The following FAM135B variants were observed in gnomAD, a reference collection of about 807,000 sequenced individuals.
The protein encoded by FAM135B is family with sequence similarity 135 member B.
In FAM135B, 43 loss-of-function variants were observed where a neutral mutation model predicts 127.7. The ratio of observed to expected loss-of-function variants is 0.34; its 90% CI spans 0.26 to 0.43. FAM135B has a LOEUF of 0.43. Among genes scored for constraint, FAM135B ranks in the 20% least tolerant of loss-of-function variants. FAM135B has a pLI of 1.00. For synonymous variants in FAM135B, 670 were observed against 665.1 expected, an observed-to-expected ratio of 1.01 and a Z score of -0.11; for missense variants, 1,558 against 1,725.6, an observed-to-expected ratio of 0.90 and a Z score of 1.72.
At chr8:138,324,810 T>C (rs1028638574) in intron 2 of FAM135B, among the ~76,000 whole-genome samples, 1 of 152,212 alleles carries the variant, frequency 6.6e-6, no homozygotes, top group Non-Finnish European at 1.5e-5. Flanking sequence ...TCGTAACGAC[T>C]ATACAATACA....
chr8:138,179,539 T>A (rs938976128), intron 9 of FAM135B, among the ~76,000 whole-genome samples: 5 of 152,120 alleles, frequency 3.3e-5, no homozygotes, highest in African/African-American at 1.2e-4. Context: ...TGAAGCCACA[T>A]CACCATGTCA....
chr8:138,205,799 A>G (rs923557146), intron 7 of FAM135B, among the ~76,000 whole-genome samples: 2 of 151,800 alleles, frequency 1.3e-5, no homozygotes, highest in African/African-American at 4.8e-5. Context: ...CACAGAGTGT[A>G]TCTGAGAATG....
intron 3 of FAM135B, among the ~76,000 whole-genome samples, chr8:138,286,866 C>T (rs955216816): frequency 5.3e-5 from 8 of 152,240 alleles, no homozygotes; most frequent in Non-Finnish European, 8.8e-5. Context: ...GGCTCAAGCA[C>T]ACCATGATAT....
At chr8:138,236,516 T>C (rs1820288882) in intron 7 of FAM135B, among the ~76,000 whole-genome samples, 1 of 152,030 alleles carries the variant, frequency 6.6e-6, no homozygotes, top group Non-Finnish European at 1.5e-5. Context: ...ATTCACATCA[T>C]GGTTAATGAT....
At chr8:138,389,464 G>A (rs1018718472) in intron 1 of FAM135B, among the ~76,000 whole-genome samples, 8 of 152,110 alleles carry the variant, frequency 5.3e-5, no homozygotes, top group African/African-American at 1.2e-4. Context: ...AAAAATATTC[G>A]TGCAGTAGGA....
At chr8:138,495,075 A>T (rs1265275394) in intron 1 of FAM135B, among the ~76,000 whole-genome samples, 1 of 152,170 alleles carries the variant, frequency 6.6e-6, no homozygotes, top group Non-Finnish European at 1.5e-5. Flanking sequence ...TTCGTAGTTG[A>T]TGGATGTTTA....
intron 15 of FAM135B, among the ~76,000 whole-genome samples, chr8:138,144,140 G>A (rs1817454875): frequency 6.6e-6 from 1 of 152,198 alleles, no homozygotes; most frequent in Non-Finnish European, 1.5e-5. Context: ...GGTAAAATAG[G>A]CCAGGCGCAG....
chr8:138,154,879 T>C (rs1818568501), intron 12 of FAM135B, among the ~76,000 whole-genome samples: 1 of 152,200 alleles, frequency 6.6e-6, no homozygotes, highest in South Asian at 2.1e-4. Flanking sequence ...GTTCAGGATA[T>C]TATTCAGGAG....
chr8:138,354,808 C>A (rs370724159), intron 2 of FAM135B, among the ~76,000 whole-genome samples: 1 of 152,120 alleles, frequency 6.6e-6, no homozygotes, highest in Non-Finnish European at 1.5e-5. Context: ...AGAAACATCA[C>A]ACATTCCTTT....
At chr8:138,361,574 T>C (rs376284286) in intron 2 of FAM135B, among the ~76,000 whole-genome samples, 37 of 152,292 alleles carry the variant, frequency 2.4e-4, no homozygotes, top group African/African-American at 6.0e-4. Context: ...TAACATTCCT[T>C]TTTTGCAGTT....
In FAM135B at chr8:138,242,419, C is replaced by G. The variant is rs1464556323; in HGVS notation, c.669+523G>C. On this transcript the variant is annotated intron_variant, in intron 7 of 19. Transcript: ENST00000395297. The surrounding 1 kb of genome is among the most constrained non-coding windows in gnomAD (Gnocchi z 9.6). ...TAGGATAAAAGAACAAGGGGAAGGA[C>G]AGGATATGCATATTTAGTTAGCAGC... is the stretch of plus-strand genomic sequence containing the variant. 3.3e-5 allele frequency among the ~76,000 whole-genome samples: 5 copies of G among 152,002 alleles called. No individual in the cohort carries two copies. The highest frequency in any genetic ancestry group is 7.4e-5 in the Non-Finnish European group (5 of 68,014).
intron 1 of FAM135B, among the ~76,000 whole-genome samples, chr8:138,435,791 G>A (rs1835422224): frequency 6.6e-6 from 1 of 152,108 alleles, no homozygotes; most frequent in African/African-American, 2.4e-5. Flanking sequence ...CTAAATTGCA[G>A]ATTTTATCCT....
At chr8:138,492,382 CCTT>C (rs1187689047) in intron 1 of FAM135B, among the ~76,000 whole-genome samples, 14 of 152,230 alleles carry the variant, frequency 9.2e-5, no homozygotes, top group African/African-American at 2.6e-4. Flanking sequence ...TCTTCTCTGT[CCTT>C]CTCTTTTTCC....
intron 1 of FAM135B, among the ~76,000 whole-genome samples, chr8:138,467,740 A>T (rs1419764758): frequency 6.6e-6 from 1 of 152,252 alleles, no homozygotes; most frequent in Non-Finnish European, 1.5e-5. Flanking sequence ...TTTAAAGAGA[A>T]TAAAGATATA....
At chr8:138,276,637 A>C (rs1424272995) in intron 3 of FAM135B, among the ~76,000 whole-genome samples, 1 of 152,054 alleles carries the variant, frequency 6.6e-6, no homozygotes, top group East Asian at 1.9e-4. Context: ...CCTCCAACCC[A>C]AGCGCTGAAT....
intron 14 of FAM135B, among the ~76,000 whole-genome samples, 179 bp downstream of exon 14, chr8:138,148,341 G>C (rs995361031): frequency 1.3e-5 from 2 of 151,942 alleles, no homozygotes; most frequent in Non-Finnish European, 2.9e-5. Flanking sequence ...TTTTGTGACA[G>C]AGAGATATTT....
rs955031780 is a variant in FAM135B at position 138,242,470 on chromosome 8, G to C, written c.669+472C>G. On this transcript the variant is annotated intron_variant, in intron 7 of 19. Transcript: ENST00000395297. This position sits in a 1 kb window ranked among gnomAD's most constrained non-coding sequence, Gnocchi z 9.6. ...TAGTGAGTATTGGATACCGGGCTAG[G>C]AACTTTACATTTATTACAACATTTG... 6.6e-6 allele frequency among the ~76,000 whole-genome samples: 1 copy of C among 151,980 alleles called. No homozygotes were observed. The highest frequency in any genetic ancestry group is 1.5e-5 in the Non-Finnish European group (1 of 68,014).
chr8:138,322,434 A>G (rs1195520566), intron 2 of FAM135B, among the ~76,000 whole-genome samples: 1 of 152,110 alleles, frequency 6.6e-6, no homozygotes, highest in Admixed American at 6.5e-5. Flanking sequence ...GTAACTCCAG[A>G]TTGCTTGATA....
chr8:138,321,008 C>G (rs1030084572), intron 2 of FAM135B, among the ~76,000 whole-genome samples: 1 of 152,104 alleles, frequency 6.6e-6, no homozygotes, highest in African/African-American at 2.4e-5. Context: ...TCTGACATGA[C>G]CTAAAATACA....
Sources: allele counts gnomAD v4.1 joint callset (sites outside exome capture counted in the v4.1 genomes callset), GRCh38; gene constraint gnomAD v4.1.1; non-coding constraint Gnocchi (gnomAD v3.1); transcripts MANE v1.5; gene names NCBI Gene and HGNC (gene_info 2026-07-23, HGNC 2026-07-21).